VTI1A: variants seen among roughly 807,000 people sequenced by gnomAD.
The protein encoded by VTI1A is vesicle transport through interaction with t-SNAREs 1A.
Under a neutral mutation model 34.9 loss-of-function variants are expected in VTI1A, and 22 were observed. That is an observed-to-expected ratio of 0.63 (90% CI 0.45 to 0.90). The LOEUF is 0.90. Ranked by LOEUF, VTI1A falls within the 40% of genes least tolerant of loss-of-function variation. The pLI, the probability that VTI1A is intolerant of heterozygous loss-of-function variation, is 0.00. For synonymous variants in VTI1A, 87 were observed against 97.3 expected, an observed-to-expected ratio of 0.89 and a Z score of 0.62; for missense variants, 268 against 275.6, an observed-to-expected ratio of 0.97 and a Z score of 0.20.
intron 5 of VTI1A, among the ~76,000 whole-genome samples, chr10:112,538,892 A>G (rs753641652): frequency 4.6e-5 from 7 of 152,230 alleles, no homozygotes; most frequent in African/African-American, 1.7e-4. Flanking sequence ...AATGTTCATG[A>G]TAATCTTATT....
At chr10:112,622,379 C>G (rs1432672324) in intron 5 of VTI1A, among the ~76,000 whole-genome samples, 1 of 150,280 alleles carries the variant, frequency 6.7e-6, no homozygotes, top group African/African-American at 2.5e-5. Context: ...TTAACTTTGG[C>G]TTTGGTAGAT....
At chr10:112,465,332 A>G (rs1847860484) in intron 3 of VTI1A, among the ~76,000 whole-genome samples, 1 of 151,838 alleles carries the variant, frequency 6.6e-6, no homozygotes, top group Admixed American at 6.5e-5. Flanking sequence ...TAGAAAAGAT[A>G]CAGCTGAGTA....
At chr10:112,596,771 T>C (rs535621529) in intron 5 of VTI1A, among the ~76,000 whole-genome samples, 1 of 152,324 alleles carries the variant, frequency 6.6e-6, no homozygotes, top group South Asian at 2.1e-4. Flanking sequence ...ACTGTAATTC[T>C]TTTGCTTATT....
At position 112,447,399 on chromosome 10, in the gene VTI1A, A is replaced by G. The variant is rs766593019; in HGVS notation, c.26A>G (p.Glu9Gly). Residue 9 changes from glutamate to glycine, a missense_variant, in exon 1 of 8, where the codon GAG becomes GGG. Glu to Gly is a moderately conservative substitution (Grantham distance 98). Coordinates refer to ENST00000393077, the MANE Select transcript of VTI1A (RefSeq NM_145206.4). MSSDFEGY[E>G]QDFAVLTAEI... Reference sequence around the variant, plus strand: ...ATGTCGTCCGACTTCGAAGGTTACGAGCAGGACTTCGCGGTGCTCACTGCA... The same window carrying G: ...ATGTCGTCCGACTTCGAAGGTTACGGGCAGGACTTCGCGGTGCTCACTGCA... The G allele has an allele frequency of 6.2e-6, 10 of 1,613,522 alleles. No individual in the cohort carries two copies. The highest frequency in any genetic ancestry group is 2.2e-5 in the East Asian group (1 of 44,874).
Position 112,467,161 on chromosome 10 carries a change from C to T in VTI1A, c.264+2504C>T, listed in dbSNP as rs183151152. On this transcript the variant is annotated intron_variant, in intron 3 of 7. Coordinates refer to ENST00000393077, the MANE Select transcript of VTI1A (RefSeq NM_145206.4). ...AATCTTTTATTCTTAATTTTTTTTT[C>T]AGAAATTAAATTATTTCTGTGGCTT... 3.5e-3 allele frequency among the ~76,000 whole-genome samples: 523 copies of T among 151,562 alleles called. 2 individuals are homozygous for T. Among genetic ancestry groups the T allele is most frequent in the Middle Eastern group, 0.017 (5 of 292 alleles).
intron 5 of VTI1A, among the ~76,000 whole-genome samples, chr10:112,579,549 TA>T (rs1843842148): frequency 6.6e-6 from 1 of 151,644 alleles, no homozygotes; most frequent in Admixed American, 6.6e-5. Flanking sequence ...AAATAAAAAC[TA>T]AAAAAAGGTA....
At chr10:112,846,637 G>A in the VTI1A span, among the ~76,000 whole-genome samples, 1 of 152,024 alleles carries the variant, frequency 6.6e-6, no homozygotes, top group African/African-American at 2.4e-5. Flanking sequence ...ATGGTGGCGG[G>A]CACCTGTAGT....
chr10:112,579,911 CAAACAG>C (rs1589930084), intron 5 of VTI1A, among the ~76,000 whole-genome samples: 1 of 152,028 alleles, frequency 6.6e-6, no homozygotes, highest in African/African-American at 2.4e-5. Flanking sequence ...AGAGAGTATT[CAAACAG>C]GTAGGAAGTG....
At chr10:112,706,389 T>A (rs1849199271) in intron 7 of VTI1A, among the ~76,000 whole-genome samples, 1 of 152,180 alleles carries the variant, frequency 6.6e-6, no homozygotes, top group Non-Finnish European at 1.5e-5. Context: ...CAGAAGACAG[T>A]GGTTACATGG....
At chr10:112,714,100 C>T (rs1412661036) in intron 7 of VTI1A, among the ~76,000 whole-genome samples, 1 of 152,160 alleles carries the variant, frequency 6.6e-6, no homozygotes, top group Non-Finnish European at 1.5e-5. Flanking sequence ...CTATTGAAAA[C>T]TTAGCCCTTG....
intron 7 of VTI1A, among the ~76,000 whole-genome samples, chr10:112,674,256 C>T (rs1847956587): frequency 6.6e-6 from 1 of 152,152 alleles, no homozygotes; most frequent in African/African-American, 2.4e-5. Flanking sequence ...CTAAACTGTT[C>T]TTCAGCTTTT....
chr10:112,697,195 C>CTT (rs757143967), intron 7 of VTI1A, among the ~76,000 whole-genome samples: 2 of 140,102 alleles, frequency 1.4e-5, no homozygotes, highest in African/African-American at 2.6e-5. Flanking sequence ...TTCTTCTGTT[C>CTT]TTTTTTTTTT....
At chr10:112,635,105 AGG>A (rs1846300324) in intron 5 of VTI1A, among the ~76,000 whole-genome samples, 27 of 152,166 alleles carry the variant, frequency 1.8e-4, no homozygotes, top group Admixed American at 1.8e-3. Context: ...CTGGGGCTGG[AGG>A]TGCCTTTATT....
intron 5 of VTI1A, among the ~76,000 whole-genome samples, chr10:112,545,064 T>C (rs1851026723): frequency 6.6e-6 from 1 of 152,158 alleles, no homozygotes; most frequent in African/African-American, 2.4e-5. Flanking sequence ...TGTTAGGAAG[T>C]TTATTATAGT....
chr10:112,466,006 G>A (rs1179716519), intron 3 of VTI1A, among the ~76,000 whole-genome samples: 1 of 152,054 alleles, frequency 6.6e-6, no homozygotes, highest in African/African-American at 2.4e-5. Flanking sequence ...TAGGTTTTCA[G>A]CAAATTAATG....
intron 3 of VTI1A, among the ~76,000 whole-genome samples, chr10:112,481,296 G>A (rs1848450829): frequency 6.6e-6 from 1 of 152,184 alleles, no homozygotes; most frequent in South Asian, 2.1e-4. Context: ...GGGGAAAACA[G>A]AGAAGCCGCG....
At chr10:112,670,334 TA>T (rs750194895) in intron 7 of VTI1A, among the ~76,000 whole-genome samples, 13 of 152,060 alleles carry the variant, frequency 8.5e-5, no homozygotes, top group African/African-American at 2.4e-4. Flanking sequence ...ATTTTTAGTG[TA>T]AAAAAAATGA....
intron 7 of VTI1A, among the ~76,000 whole-genome samples, chr10:112,748,899 G>T (rs1217192781): frequency 6.6e-6 from 1 of 152,106 alleles, no homozygotes; most frequent in Non-Finnish European, 1.5e-5. Flanking sequence ...AAAGTGCTGG[G>T]ATTACAGGCG....
intron 7 of VTI1A, among the ~76,000 whole-genome samples, chr10:112,688,173 C>T (rs964896535): frequency 6.6e-6 from 1 of 151,778 alleles, no homozygotes; most frequent in Non-Finnish European, 1.5e-5. Flanking sequence ...AGGCTGGTCT[C>T]GAACTCCTGA....
Sources: gnomAD v4.1 joint callset for allele counts (sites outside exome capture counted in the v4.1 genomes callset) on GRCh38, gnomAD v4.1.1 for gene constraint, MANE v1.5 for transcripts, NCBI Gene and HGNC (gene_info 2026-07-23, HGNC 2026-07-21) for gene names.